Variants in NADK observed in about 807,000 individuals in gnomAD.
NADK encodes the protein poly(P)/ATP NAD kinase.
Under a neutral mutation model 49.8 loss-of-function variants are expected in NADK, and 22 were observed. The observed-to-expected ratio is 0.44, with a 90% CI of 0.32 to 0.63. The LOEUF is 0.63. NADK is among the 30% of genes least tolerant of loss of function. NADK has a pLI of 0.06. For synonymous variants in NADK, 268 were observed against 253.7 expected, an observed-to-expected ratio of 1.06 and a Z score of -0.54; for missense variants, 438 against 609.4, an observed-to-expected ratio of 0.72 and a Z score of 2.96.
chr1:1,770,266 A>G (rs1646009123), intron 1 of NADK, among the ~76,000 whole-genome samples: 2 of 152,150 alleles, frequency 1.3e-5, no homozygotes, highest in African/African-American at 2.4e-5. Context: ...AACTACTCCT[A>G]TTGAGGACTA....
chr1:1,757,077 C>T (rs1645550295), intron 4 of NADK, 104 bp downstream of exon 4: 3 of 1,510,648 alleles, frequency 2.0e-6, no homozygotes, highest in Admixed American at 4.0e-5. Context: ...AGCCGTTGCC[C>T]AGCACTTGAG....
intron 3 of NADK, chr1:1,761,603 G>C (rs1379869518): frequency 4.2e-6 from 1 of 236,406 alleles, no homozygotes; most frequent in Non-Finnish European, 8.6e-6. Context: ...AGGCAGCCCT[G>C]AGGATCTCAT....
Position 1,752,639 on chromosome 1 carries a change from G to A in NADK, c.*265C>T, listed in dbSNP as rs1057090653. ...ATGGAAATTGCGGCAGCTGGAGGCC[G>A]CGCTCCAGGGACCCACCGCGGGGTG... On this transcript the variant is annotated 3_prime_UTR_variant, in exon 12 of 12. Transcript: ENST00000341426. 1.3e-5 allele frequency: 5 copies of A among 381,424 alleles called. No homozygotes were observed. The highest frequency in any genetic ancestry group is 4.0e-5 in the East Asian group (1 of 24,698). 23.6% of individuals were successfully genotyped at this position (381,424 alleles called of 1,614,324 possible).
chr1:1,775,137 G>A (rs899898511), intron 1 of NADK, among the ~76,000 whole-genome samples: 1 of 151,858 alleles, frequency 6.6e-6, no homozygotes, highest in Non-Finnish European at 1.5e-5. Context: ...CTCTGTATTA[G>A]GAAGTTTTAT....
chr1:1,773,007 C>A (rs1383506694), intron 1 of NADK, among the ~76,000 whole-genome samples: 1 of 148,208 alleles, frequency 6.7e-6, no homozygotes, highest in Admixed American at 6.8e-5. Flanking sequence ...CGCCATTGCA[C>A]TCCAGCCTGG....
In NADK at chr1:1,761,395, G is replaced by A. The variant is rs530879727; in HGVS notation, c.263+557C>T. Among the ~76,000 whole-genome samples the A allele has an allele frequency of 3.3e-5, 5 of 152,150 alleles. No homozygotes were observed. In the South Asian group the frequency reaches 1.0e-3, roughly 32 times the overall value. ...CCTGCTTCGGACTCCCACAGTGCTGGGACTGCAGGTGTGAGCCACTGCGCC... is the reference window on the plus strand; with the variant it reads ...CCTGCTTCGGACTCCCACAGTGCTGAGACTGCAGGTGTGAGCCACTGCGCC... On this transcript the variant is annotated intron_variant, in intron 3 of 11. Coordinates refer to ENST00000341426, the MANE Select transcript of NADK (RefSeq NM_023018.5).
chr1:1,757,162 T>G lies in NADK; in HGVS notation c.393+19A>C. ...ACTCCATGTGCACCCCAGGCCCCCTTCCCCCCTGCCCCGCGTGCCTCCATG... is the reference window on the plus strand; with the variant it reads ...ACTCCATGTGCACCCCAGGCCCCCTGCCCCCCTGCCCCGCGTGCCTCCATG... On this transcript the variant is annotated intron_variant, in intron 4 of 11. Coordinates refer to ENST00000341426, the MANE Select transcript of NADK (RefSeq NM_023018.5). 6.8e-5 allele frequency: 42 copies of G among 620,248 alleles called. No homozygotes were observed. Among genetic ancestry groups the G allele is most frequent in the Non-Finnish European group, 9.7e-5 (37 of 379,788 alleles). The allele number at this position is 620,248 out of a possible 1,614,324, so 38.4% of individuals were successfully genotyped here.
rs200305598 is a variant in NADK, at chr1:1,765,446, C to T, written c.-40G>A. ...AACTTCGGTCAGAAAAACACTGATGCCTTAATTTAATAAAATAAATAATGT... is the reference window on the plus strand; with the variant it reads ...AACTTCGGTCAGAAAAACACTGATGTCTTAATTTAATAAAATAAATAATGT... On this transcript the variant is annotated splice_region_variant and 5_prime_UTR_variant, in exon 2 of 12. Transcript: ENST00000341426. 5.2e-6 allele frequency: 7 copies of T among 1,354,482 alleles called. No individual in the cohort carries two copies. Among genetic ancestry groups the T allele is most frequent in the Non-Finnish European group, 7.0e-6 (7 of 994,502 alleles). 83.9% of individuals were successfully genotyped at this position (1,354,482 alleles called of 1,614,324 possible).
At chr1:1,753,192 G>A (rs1024759251) in intron 11 of NADK, 132 bp from the exon 12 acceptor site, 3 of 1,177,740 alleles carry the variant, frequency 2.5e-6, no homozygotes, top group Non-Finnish European at 3.6e-6. Flanking sequence ...CCCTCCCCGA[G>A]GCAGGCTTGA....
intron 1 of NADK, among the ~76,000 whole-genome samples, chr1:1,775,551 C>T (rs1646187634): frequency 6.6e-6 from 1 of 152,152 alleles, no homozygotes; most frequent in Admixed American, 6.5e-5. Context: ...ACCCTGTGAC[C>T]TCATTAAACC....
In NADK at chr1:1,771,073, T is replaced by TAC. The variant is rs1192677248; in HGVS notation, c.-40-5628_-40-5627insGT. Reference sequence around the variant, plus strand: ...AAAAAAAAATATATATATATATATATATACACACACACACACATATATTAT... The same window carrying TAC: ...AAAAAAAAATATATATATATATATATACATACACACACACACACATATATTAT... On this transcript the variant is annotated intron_variant, in intron 1 of 11. Transcript: ENST00000341426. 1.0e-3 allele frequency among the ~76,000 whole-genome samples: 148 copies of TAC among 145,090 alleles called. 1 individual carries two copies. Among genetic ancestry groups the TAC allele is most frequent in the Admixed American group, 1.7e-3 (24 of 14,466 alleles).
intron 1 of NADK, among the ~76,000 whole-genome samples, chr1:1,777,996 G>A (rs1329365099): frequency 6.6e-6 from 1 of 152,138 alleles, no homozygotes; most frequent in Non-Finnish European, 1.5e-5. Context: ...CCAAGCAGAG[G>A]CGACTGACAA....
At chr1:1,775,103 C>T (rs564748030) in intron 1 of NADK, among the ~76,000 whole-genome samples, 10 of 150,128 alleles carry the variant, frequency 6.7e-5, no homozygotes, top group Non-Finnish European at 1.2e-4. Context: ...AGTGAGACTC[C>T]GCCTCAAAGA....
chr1:1,753,866 A>G (rs1645416789), intron 10 of NADK, among the ~76,000 whole-genome samples, 185 bp downstream of exon 10: 1 of 152,176 alleles, frequency 6.6e-6, no homozygotes, highest in Non-Finnish European at 1.5e-5. Context: ...GGGCACCTTG[A>G]TGGACAGAAC....
intron 3 of NADK, chr1:1,758,446 C>T (rs750984011): frequency 2.7e-5 from 43 of 1,612,224 alleles, no homozygotes; most frequent in Admixed American, 5.0e-5. Flanking sequence ...ACACATGTGG[C>T]TCGCGAGGTA....
chr1:1,765,022 G>A (rs1409545126), intron 2 of NADK, among the ~76,000 whole-genome samples: 1 of 152,246 alleles, frequency 6.6e-6, no homozygotes, highest in Non-Finnish European at 1.5e-5. Context: ...CTGTGCCTGT[G>A]CTGGCACCTG....
chr1:1,779,855 G>C (rs955144855), upstream of NADK: 1 of 152,396 alleles, frequency 6.6e-6, no homozygotes, highest in African/African-American at 2.4e-5. Context: ...ACCTGGCCCA[G>C]GGTCGGTGTG....
intron 2 of NADK, among the ~76,000 whole-genome samples, chr1:1,764,988 C>G (rs930293381): frequency 6.6e-6 from 1 of 152,212 alleles, no homozygotes; most frequent in Non-Finnish European, 1.5e-5. Flanking sequence ...CTGATACAGA[C>G]AGATAGAGAA....
At position 1,765,213 on chromosome 1, in the gene NADK, C is replaced by T. The variant is rs1454405973; in HGVS notation, c.179+15G>A. ...AGACGAGAAAAAAAAGAGGAACCAT[C>T]CCTCCCAGTTGTACCTGAACTCCTT... is the stretch of plus-strand genomic sequence containing the variant. On this transcript the variant is annotated intron_variant, in intron 2 of 11. Coordinates refer to ENST00000341426, the MANE Select transcript of NADK (RefSeq NM_023018.5). 8.4e-6 allele frequency: 13 copies of T among 1,556,464 alleles called. No homozygotes were observed. The highest frequency in any genetic ancestry group is 1.1e-5 in the Non-Finnish European group (13 of 1,152,978).
Sources: gnomAD v4.1 joint callset for allele counts (sites outside exome capture counted in the v4.1 genomes callset) on GRCh38, gnomAD v4.1.1 for gene constraint, MANE v1.5 for transcripts, NCBI Gene and HGNC (gene_info 2026-07-23, HGNC 2026-07-21) for gene names.